The following NOL4 variants were observed in gnomAD, a reference collection of about 807,000 sequenced individuals.
The protein encoded by NOL4 is nucleolar protein 4, also known as cancer/testis antigen 125.
Under a neutral mutation model 75.9 loss-of-function variants are expected in NOL4, and 17 were observed. That is an observed-to-expected ratio of 0.22 (90% CI 0.15 to 0.34). NOL4 has a LOEUF of 0.34. NOL4 is among the 10% of genes least tolerant of loss of function. The probability of loss-of-function intolerance (pLI) is 1.00; values close to 1 mark genes in which losing one functional copy is unlikely to be tolerated. For missense variants in NOL4, 614 were observed against 793.5 expected, an observed-to-expected ratio of 0.77 and a Z score of 2.72; for synonymous variants, 292 against 289.9, an observed-to-expected ratio of 1.01 and a Z score of -0.07.
chr18:33,951,370 G>T (rs946964906), intron 8 of NOL4, among the ~76,000 whole-genome samples: 1 of 152,064 alleles, frequency 6.6e-6, no homozygotes, highest in Admixed American at 6.5e-5. Flanking sequence ...TTCGGTTGTA[G>T]ATAATGTGTT....
chr18:33,899,847 G>A (rs1424774453), intron 9 of NOL4, among the ~76,000 whole-genome samples: 2 of 151,984 alleles, frequency 1.3e-5, no homozygotes, highest in African/African-American at 4.8e-5. Context: ...TTGTTTTTGT[G>A]GGCCCTGGGC....
chr18:33,943,552 A>G (rs1476960086), intron 8 of NOL4, among the ~76,000 whole-genome samples: 1 of 151,882 alleles, frequency 6.6e-6, no homozygotes, highest in Non-Finnish European at 1.5e-5. Flanking sequence ...AACCAAAACA[A>G]AAACAAGTGA....
chr18:33,871,235 A>G (rs2063686207), intron 10 of NOL4, among the ~76,000 whole-genome samples: 2 of 152,070 alleles, frequency 1.3e-5, no homozygotes, highest in South Asian at 4.1e-4. Context: ...ACGAAGACAC[A>G]TTTAGCATGA....
intron 10 of NOL4, among the ~76,000 whole-genome samples, chr18:33,859,884 C>A (rs1041226923): frequency 6.6e-6 from 1 of 152,092 alleles, no homozygotes; most frequent in African/African-American, 2.4e-5. Context: ...TGCCGCTACA[C>A]TCCAGCCTGG....
At chr18:33,912,089 T>C (rs2066443276) in intron 9 of NOL4, among the ~76,000 whole-genome samples, 1 of 152,088 alleles carries the variant, frequency 6.6e-6, no homozygotes, top group Admixed American at 6.6e-5. Context: ...TAATATGTAG[T>C]GTCTTCAGTT....
intron 6 of NOL4, among the ~76,000 whole-genome samples, chr18:34,006,570 A>G (rs1219538093): frequency 2.0e-5 from 3 of 152,034 alleles, no homozygotes; most frequent in African/African-American, 4.8e-5. Context: ...GACACTCTAG[A>G]TATGAATTTT....
chr18:33,918,464 C>G (rs1049106320), intron 9 of NOL4, among the ~76,000 whole-genome samples: 5 of 151,948 alleles, frequency 3.3e-5, no homozygotes, highest in African/African-American at 1.2e-4. Context: ...CAAGTATCCT[C>G]TCAAGGGCAA....
At chr18:34,187,171 G>T (rs928254055) in intron 1 of NOL4, among the ~76,000 whole-genome samples, 2 of 151,940 alleles carry the variant, frequency 1.3e-5, no homozygotes, top group Non-Finnish European at 2.9e-5. Context: ...AAATTCCCTT[G>T]TGCTCTGCCT....
intron 5 of NOL4, among the ~76,000 whole-genome samples, chr18:34,061,782 T>C (rs936450787): frequency 2.0e-5 from 3 of 152,292 alleles, no homozygotes; most frequent in African/African-American, 7.2e-5. Flanking sequence ...AATATTTTTA[T>C]TCATAATATT....
intron 6 of NOL4, among the ~76,000 whole-genome samples, chr18:33,967,508 A>C (rs993048297): frequency 1.3e-5 from 2 of 152,206 alleles, no homozygotes; most frequent in African/African-American, 4.8e-5. Flanking sequence ...ACGGCAAAAC[A>C]AATTAGCAGA....
At chr18:34,097,431 T>C (rs538879202) in intron 4 of NOL4, among the ~76,000 whole-genome samples, 11 of 152,256 alleles carry the variant, frequency 7.2e-5, no homozygotes, top group African/African-American at 2.4e-4. Flanking sequence ...TTAGAATCTT[T>C]GGGGTGGTGT....
intron 1 of NOL4, among the ~76,000 whole-genome samples, chr18:34,193,974 A>G (rs1230231918): frequency 6.6e-6 from 1 of 152,204 alleles, no homozygotes; most frequent in African/African-American, 2.4e-5. Context: ...AGCCAGGCAC[A>G]GAAAGATAAA....
chr18:34,187,057 T>C (rs182274066), intron 1 of NOL4, among the ~76,000 whole-genome samples: 4 of 152,320 alleles, frequency 2.6e-5, no homozygotes, highest in South Asian at 4.1e-4. Flanking sequence ...AGTGGACTTA[T>C]AGTTTACATT....
chr18:34,215,972 G>C (rs1438134454), intron 1 of NOL4, among the ~76,000 whole-genome samples: 1 of 152,042 alleles, frequency 6.6e-6, no homozygotes, highest in Non-Finnish European at 1.5e-5. Context: ...TTATCTGAGA[G>C]TTTTTTCAAA....
At chr18:33,906,095 G>A (rs893182734) in intron 9 of NOL4, among the ~76,000 whole-genome samples, 6 of 152,178 alleles carry the variant, frequency 3.9e-5, no homozygotes, top group Admixed American at 6.5e-5. Flanking sequence ...AGCTAACTAC[G>A]AGAGGAATTT....
chr18:33,883,165 C>G (rs910675606), intron 10 of NOL4, 79 bp downstream of exon 10: 1 of 1,077,438 alleles, frequency 9.3e-7, no homozygotes, highest in Non-Finnish European at 1.3e-6. Flanking sequence ...ATGTAACTAA[C>G]CTGCGCAATG....
At chr18:33,951,461 A>G (rs2069215535) in intron 8 of NOL4, among the ~76,000 whole-genome samples, 1 of 152,032 alleles carries the variant, frequency 6.6e-6, no homozygotes, top group Non-Finnish European at 1.5e-5. Flanking sequence ...TTTTTTTAAA[A>G]AAAATGTATA....
intron 5 of NOL4, among the ~76,000 whole-genome samples, chr18:34,085,868 T>C (rs1039749525): frequency 1.6e-4 from 24 of 152,150 alleles, no homozygotes; most frequent in Non-Finnish European, 8.8e-5. Flanking sequence ...AATGATTAAA[T>C]ACTTACACAT....
At chr18:34,078,900 C>A (rs2077866996) in intron 5 of NOL4, among the ~76,000 whole-genome samples, 1 of 152,186 alleles carries the variant, frequency 6.6e-6, no homozygotes, top group Non-Finnish European at 1.5e-5. Context: ...CTGCCCCAAA[C>A]CTAAGGTTAG....
Sources: gnomAD v4.1 joint callset for allele counts (sites outside exome capture counted in the v4.1 genomes callset) on GRCh38, gnomAD v4.1.1 for gene constraint, MANE v1.5 for transcripts, NCBI Gene and HGNC (gene_info 2026-07-23, HGNC 2026-07-21) for gene names.